The following KIF25 variants were observed in gnomAD, a reference collection of about 807,000 sequenced individuals.
KIF25 encodes the protein kinesin family member 25, also known as kinesin-like protein KIF25.
KIF25 carries 19 observed loss-of-function variants against 32.9 expected under a neutral mutation model. That is an observed-to-expected ratio of 0.58 (90% CI 0.40 to 0.85). The LOEUF (loss-of-function observed/expected upper bound fraction) is 0.85. Among genes scored for constraint, KIF25 ranks in the 40% least tolerant of loss-of-function variants. The pLI is 0.00. For missense variants in KIF25, 485 were observed against 507.0 expected (o/e 0.96, Z 0.42); for synonymous variants, 225 against 213.7 (o/e 1.05, Z -0.46).
intron 8 of KIF25, among the ~76,000 whole-genome samples, chr6:168,034,285 G>T (rs980533805): frequency 1.3e-5 from 2 of 152,076 alleles, no homozygotes; most frequent in Admixed American, 6.5e-5. Context: ...TAGAGACAAG[G>T]TCTTGCTTTG....
At chr6:168,000,862 C>T (rs1257596519) in intron 2 of KIF25, among the ~76,000 whole-genome samples, 1 of 152,210 alleles carries the variant, frequency 6.6e-6, no homozygotes, top group Non-Finnish European at 1.5e-5. Context: ...TTAATCTGTC[C>T]AAATGAGCTT....
intron 4 of KIF25, among the ~76,000 whole-genome samples, chr6:168,015,819 A>G (rs1279500539): frequency 6.6e-6 from 1 of 152,164 alleles, no homozygotes; most frequent in Non-Finnish European, 1.5e-5. Context: ...TGTGGAATGA[A>G]GTTCTAAATA....
At chr6:168,029,401 A>T in intron 5 of KIF25, 91 bp from the exon 6 acceptor site, 1 of 868,378 alleles carries the variant, frequency 1.2e-6, no homozygotes, top group Non-Finnish European at 1.7e-6. Flanking sequence ...GCGAACACTG[A>T]CTTTTGGATG....
intron 10 of KIF25, among the ~76,000 whole-genome samples, chr6:168,040,483 T>C (rs571366941): frequency 1.6e-4 from 25 of 152,122 alleles, no homozygotes; most frequent in African/African-American, 4.6e-4. Context: ...GGAGAATTGC[T>C]TGAACCCAGG....
At chr6:168,010,734 G>C (rs1447146452) in intron 4 of KIF25, among the ~76,000 whole-genome samples, 1 of 152,088 alleles carries the variant, frequency 6.6e-6, no homozygotes, top group African/African-American at 2.4e-5. Flanking sequence ...AGTCCTCAGT[G>C]AATATTGTAT....
At position 168,040,168 on chromosome 6, in the gene KIF25, C is replaced by G. The variant is rs749184268; in HGVS notation, c.598C>G (p.Leu200Val). ...LVHADSSRSH[L>V]IITVTLTTAS... ...GCACGCGGATTCCTCCAGGTCTCAC[C>G]TGATAATTACGGTGACTCTAACCAC... The change falls in exon 10 of 13, where the codon CTG becomes GTG. Residue 200 changes from leucine to valine, a missense_variant. By Grantham distance (32) the Leu-to-Val change is conservative. This residue lies in a region of KIF25 where 480 missense variants were observed against 470.3 expected (regional missense o/e 1.02). Transcript: ENST00000643607. The G allele has an allele frequency of 6.2e-7, 1 of 1,614,046 alleles. No homozygotes were observed. The highest frequency in any genetic ancestry group is 1.1e-5 in the South Asian group (1 of 91,080).
At chr6:168,005,714 G>A (rs1302208883) in intron 4 of KIF25, among the ~76,000 whole-genome samples, 1 of 152,196 alleles carries the variant, frequency 6.6e-6, no homozygotes, top group African/African-American at 2.4e-5. Context: ...ACGGGAGAAG[G>A]ATGTAGGCTG....
At position 168,042,351 on chromosome 6, in the gene KIF25, C is replaced by T. The variant is rs150424426; in HGVS notation, c.829+200C>T. 2.8e-3 allele frequency among the ~76,000 whole-genome samples: 432 copies of T among 152,280 alleles called. 2 individuals are homozygous for T. Among genetic ancestry groups the T allele is most frequent in the African/African-American group, 9.5e-3 (395 of 41,564 alleles). Reference sequence around the variant, plus strand: ...CAACCCGAGAGTCGTGTTCCTCACACGGGCCCTCTGGGAACAGAAAACCTG... The same window carrying T: ...CAACCCGAGAGTCGTGTTCCTCACATGGGCCCTCTGGGAACAGAAAACCTG... On this transcript the variant is annotated intron_variant, in intron 11 of 12. Coordinates refer to ENST00000643607, the MANE Select transcript of KIF25 (RefSeq NM_030615.4).
chr6:168,016,127 G>A (rs1798709403), intron 4 of KIF25, among the ~76,000 whole-genome samples: 1 of 152,210 alleles, frequency 6.6e-6, no homozygotes, highest in African/African-American at 2.4e-5. Context: ...GCCTAGGCTG[G>A]CGGTTGGATT....
rs761612096 is a variant in KIF25, at chr6:168,038,726, C to CT, written c.492dup (p.Glu165Ter). The CT allele has an allele frequency of 4.3e-6, 7 of 1,613,166 alleles. No individual in the cohort carries two copies. The South Asian group carries it at 7.7e-5, about 18-fold the overall frequency. ...CGGACAGAGGTTGCGCTGCTGGCCTCTGAGTGAGTACTGCACCTGCCCCGT... is the reference window on the plus strand; with the variant it reads ...CGGACAGAGGTTGCGCTGCTGGCCTCTTGAGTGAGTACTGCACCTGCCCCGT... On this transcript the variant is annotated frameshift_variant, in exon 9 of 13. Transcript: ENST00000643607. LOFTEE classifies it high-confidence loss of function.
At chr6:168,044,787 C>T (rs892468518) in intron 12 of KIF25, 40 bp from the exon 13 acceptor site, 10 of 1,541,824 alleles carry the variant, frequency 6.5e-6, no homozygotes, top group South Asian at 1.2e-5. Context: ...TCAGATGCTG[C>T]TCTTCTTTCC....
chr6:168,033,798 T>A, intron 7 of KIF25, 84 bp from the exon 8 acceptor site: 1 of 1,414,134 alleles, frequency 7.1e-7, no homozygotes, highest in East Asian at 2.3e-5. Flanking sequence ...TGTATTGAAG[T>A]TTCTCATACA....
At chr6:168,004,963 G>A (rs1798559220) in intron 4 of KIF25, among the ~76,000 whole-genome samples, 2 of 152,210 alleles carry the variant, frequency 1.3e-5, no homozygotes, top group African/African-American at 4.8e-5. Flanking sequence ...AAGCCAGAAT[G>A]CGGACATTTC....
chr6:168,030,890 T>C, intron 7 of KIF25, 43 bp downstream of exon 7: 1 of 1,453,080 alleles, frequency 6.9e-7, no homozygotes, highest in East Asian at 2.3e-5. Context: ...TAGTTACATT[T>C]GAATATAAAG....
In KIF25 at chr6:168,042,121, C is replaced by T; in HGVS notation, c.799C>T (p.Leu267Phe). 6.4e-7 allele frequency: 1 copy of T among 1,550,684 alleles called. No individual in the cohort carries two copies. Among genetic ancestry groups the T allele is most frequent in the Non-Finnish European group, 8.7e-7 (1 of 1,147,434 alleles). The change falls in exon 11 of 13, where the codon CTC becomes TTC. Residue 267 changes from leucine (L) to phenylalanine (F), a missense_variant. Transcript: ENST00000643607. Reference protein sequence around the residue: ...HAEQVQARLQLVDSAGSECVG... With the variant: ...HAEQVQARLQFVDSAGSECVG... ...GGAGCAGGTGCAGGCTCGACTACAG[C>T]TCGTGGACTCGGCCGGCAGCGAGTG...
At chr6:168,019,911 G>A (rs1323063918) in intron 5 of KIF25, among the ~76,000 whole-genome samples, 1 of 152,144 alleles carries the variant, frequency 6.6e-6, no homozygotes, top group Non-Finnish European at 1.5e-5. Context: ...AAGGCGGGTG[G>A]CTCACGAGGT....
chr6:168,015,033 GA>G (rs1305075058), intron 4 of KIF25, among the ~76,000 whole-genome samples: 2 of 152,228 alleles, frequency 1.3e-5, no homozygotes, highest in African/African-American at 2.4e-5. Flanking sequence ...AGAACTGATA[GA>G]TTTGATACAC....
At chr6:168,019,698 T>G (rs75764477) in intron 5 of KIF25, among the ~76,000 whole-genome samples, 16,993 of 152,040 alleles carry the variant, frequency 0.11, 1,371 homozygotes, top group East Asian at 0.41. Flanking sequence ...GTTATATGTA[T>G]TTTTTTACCA....
chr6:168,027,113 C>G lies in KIF25; in HGVS notation c.-94-2379C>G, dbSNP rs951572485. ...GGCAGAGATGGGGGAGGCCCTCGAC[C>G]TGGGGCTTGACAGCTCAGCTAACCA... On this transcript the variant is annotated intron_variant, in intron 5 of 12. Coordinates refer to ENST00000643607, the MANE Select transcript of KIF25 (RefSeq NM_030615.4). 2.6e-5 allele frequency among the ~76,000 whole-genome samples: 4 copies of G among 152,120 alleles called. No individual in the cohort carries two copies. In the South Asian group the frequency reaches 8.3e-4, roughly 32 times the overall value.
Sources: allele counts gnomAD v4.1 joint callset (sites outside exome capture counted in the v4.1 genomes callset), GRCh38; gene constraint gnomAD v4.1.1; regional missense constraint gnomAD v4.1.1; transcripts MANE v1.5; gene names NCBI Gene and HGNC (gene_info 2026-07-23, HGNC 2026-07-21).